Variants in CEP72 observed in about 807,000 individuals in gnomAD.
CEP72 encodes centrosomal protein 72.
In CEP72, 78 loss-of-function variants were observed where a neutral mutation model predicts 65.7. The observed-to-expected ratio is 1.19, with a 90% CI of 0.99 to 1.43. The LOEUF is 1.43. CEP72 is among the 40% of genes most tolerant of loss of function. The probability of loss-of-function intolerance (pLI) is 0.00; values close to 1 mark genes in which losing one functional copy is unlikely to be tolerated. For missense variants in CEP72, 914 were observed against 832.9 expected (o/e 1.10, Z -1.20); for synonymous variants, 358 against 351.7 (o/e 1.02, Z -0.20).
At chr5:648,407 T>C (rs56720722) in intron 11 of CEP72, among the ~76,000 whole-genome samples, 10 of 138,436 alleles carry the variant, frequency 7.2e-5, no homozygotes, top group African/African-American at 3.0e-4. Flanking sequence ...GACTGTGAGG[T>C]ATGTGACCAT....
intron 11 of CEP72, among the ~76,000 whole-genome samples, chr5:652,669 C>T (rs1739184200): frequency 6.6e-6 from 1 of 152,238 alleles, no homozygotes; most frequent in South Asian, 2.1e-4. Flanking sequence ...ATCATCTTCT[C>T]ATAAAACCAT....
At chr5:632,656 A>G (rs75623665) in intron 4 of CEP72, among the ~76,000 whole-genome samples, 15 of 7,402 alleles carry the variant, frequency 2.0e-3, no homozygotes, top group East Asian at 6.3e-3. Flanking sequence ...GCCGGGATTT[A>G]GACCAGTCCT....
downstream of CEP72, among the ~76,000 whole-genome samples, chr5:670,565 G>T (rs996794265): frequency 2.0e-5 from 3 of 152,132 alleles, no homozygotes; most frequent in Admixed American, 1.3e-4. Flanking sequence ...CCCACGGGGG[G>T]AGGGGGAGCT....
chr5:643,456 T>C lies in CEP72; in HGVS notation c.1540-843T>C, dbSNP rs1334177633. On this transcript the variant is annotated intron_variant, in intron 9 of 11. Transcript: ENST00000264935. ...CAGACCCAGCGATCAGCTTTCACCA[T>C]GGGCGTCGGGGGCCTGGCGGGTGCA... 4 of 985,242 alleles carry C rather than the reference T, an allele frequency of 4.1e-6. No homozygotes were observed. In the African/African-American group the frequency reaches 7.0e-5, roughly 17 times the overall value. 61.0% of individuals were successfully genotyped at this position (985,242 alleles called of 1,614,324 possible). A position where few individuals can be genotyped will look rare whatever the true frequency, so the allele number is the denominator to read the frequency against.
chr5:641,046 T>G (rs1737980024), intron 9 of CEP72: 3 of 985,460 alleles, frequency 3.0e-6, no homozygotes, highest in Non-Finnish European at 3.6e-6. Context: ...GCTGAAAACC[T>G]GCATTTATCA....
chr5:649,137 G>A (rs991569918), intron 11 of CEP72, among the ~76,000 whole-genome samples: 4 of 145,330 alleles, frequency 2.8e-5, no homozygotes, highest in Non-Finnish European at 6.1e-5. Context: ...AGGCGTGACT[G>A]TGAGGCGTGA....
At chr5:614,819 A>G (rs114256171) in intron 1 of CEP72, among the ~76,000 whole-genome samples, 1 of 152,126 alleles carries the variant, frequency 6.6e-6, no homozygotes, top group Non-Finnish European at 1.5e-5. Context: ...CATCTGGTCT[A>G]TGTTGTTGAA....
At chr5:632,161 G>A (rs1174187069) in intron 4 of CEP72, among the ~76,000 whole-genome samples, 2 of 72,860 alleles carry the variant, frequency 2.7e-5, no homozygotes, top group African/African-American at 1.1e-4. Context: ...CCCAGTCCTG[G>A]TGGGGTTCTG....
intron 4 of CEP72, among the ~76,000 whole-genome samples, chr5:625,425 A>G (rs1736690157): frequency 6.6e-6 from 1 of 152,158 alleles, no homozygotes; most frequent in Non-Finnish European, 1.5e-5. Context: ...TGGGCCCTGG[A>G]GGCTGCGTGA....
downstream of CEP72, among the ~76,000 whole-genome samples, chr5:654,210 G>A (rs1286787745): frequency 2.0e-5 from 3 of 147,306 alleles, no homozygotes; most frequent in Admixed American, 6.7e-5. Context: ...CATGCTAGCT[G>A]TGTGTGCGCT....
chr5:675,461 C>CTGGGGGT, the CEP72 span, among the ~76,000 whole-genome samples: 1 of 16,722 alleles, frequency 6.0e-5, no homozygotes, highest in Non-Finnish European at 9.6e-5. Context: ...TGGGGTGCAG[C>CTGGGGGT]ACAGGGGGTG....
At chr5:633,146 G>T in intron 4 of CEP72, among the ~76,000 whole-genome samples, 1 of 84,428 alleles carries the variant, frequency 1.2e-5, no homozygotes, top group Non-Finnish European at 2.2e-5. Context: ...GTGGGGTTCT[G>T]TCCAGTGCCG....
At chr5:668,472 G>A (rs1451158239), downstream of CEP72, among the ~76,000 whole-genome samples, 7 of 152,068 alleles carry the variant, frequency 4.6e-5, no homozygotes, top group East Asian at 1.9e-4. Context: ...AGAGGGGGCC[G>A]CGTGGGCGCC....
At chr5:617,578 C>T (rs773521064) in intron 1 of CEP72, among the ~76,000 whole-genome samples, 2 of 152,204 alleles carry the variant, frequency 1.3e-5, no homozygotes, top group African/African-American at 2.4e-5. Context: ...GACCCTGTCC[C>T]GGTGGCAGGG....
In CEP72 at chr5:624,187, T is replaced by C. The variant is rs1384930838; in HGVS notation, c.404-284T>C. Among the ~76,000 whole-genome samples, 1 of 152,158 alleles carries C rather than the reference T, an allele frequency of 6.6e-6. No individual in the cohort carries two copies. Among genetic ancestry groups the C allele is most frequent in the African/African-American group, 2.4e-5 (1 of 41,438 alleles). ...CTTGAGAATCCCACCCCGCACCCGGTGTGCACTTTAGAGAAAGGGTGTGCG... is the reference window on the plus strand; with the variant it reads ...CTTGAGAATCCCACCCCGCACCCGGCGTGCACTTTAGAGAAAGGGTGTGCG... On this transcript the variant is annotated intron_variant, in intron 3 of 11. Transcript: ENST00000264935. The surrounding 1 kb of genome is among the most constrained non-coding windows in gnomAD (Gnocchi z 4.7).
rs770550207 is a variant in CEP72, at chr5:637,812, CAG to C, written c.1205_1206del (p.Glu402AlafsTer56). ...EQRSRGVTDT[R>X]EPSPGSHSAL... is the part of the protein sequence containing the mutation. ...AGAGGTCTCGGGGTGTGACCGACAC[CAG>C]AGAGGTGAGAGAAGGGCTGGGGAGC... On this transcript the variant is annotated frameshift_variant, in exon 7 of 12. Transcript: ENST00000264935. LOFTEE classifies it high-confidence loss of function. The C allele has an allele frequency of 1.3e-6, 2 of 1,558,572 alleles. No individual in the cohort carries two copies. The highest frequency in any genetic ancestry group is 2.3e-5 in the East Asian group (1 of 42,574).
At chr5:649,029 G>GTGTGAGGTGTGAC (rs1738684378) in intron 11 of CEP72, among the ~76,000 whole-genome samples, 2 of 142,176 alleles carry the variant, frequency 1.4e-5, no homozygotes, top group Admixed American at 7.1e-5. Context: ...TCAACCCTGA[G>GTGTGAGGTGTGAC]TGTGAGGTGT....
the CEP72 span, among the ~76,000 whole-genome samples, chr5:673,396 AGAG>A: frequency 6.6e-6 from 1 of 151,082 alleles, no homozygotes; most frequent in Non-Finnish European, 1.5e-5. Context: ...AGGGTGGGAG[AGAG>A]GAGGAGGTGG....
intron 4 of CEP72, among the ~76,000 whole-genome samples, chr5:626,661 AC>A (rs1422513669): frequency 6.6e-6 from 1 of 151,222 alleles, no homozygotes; most frequent in Non-Finnish European, 1.5e-5. Flanking sequence ...CTGTAAGAAA[AC>A]TTTTTTTTTT....
Sources: allele counts gnomAD v4.1 joint callset (sites outside exome capture counted in the v4.1 genomes callset), GRCh38; gene constraint gnomAD v4.1.1; non-coding constraint Gnocchi (gnomAD v3.1); transcripts MANE v1.5; gene names NCBI Gene and HGNC (gene_info 2026-07-23, HGNC 2026-07-21).